Variants in PPP1R16B observed in about 807,000 individuals in gnomAD.
The protein encoded by PPP1R16B is protein phosphatase 1 regulatory subunit 16B, also known as protein phosphatase 1 regulatory inhibitor subunit 16B.
A neutral mutation model predicts 61.7 loss-of-function variants in PPP1R16B; 14 were observed. The ratio of observed to expected loss-of-function variants is 0.23; its 90% CI spans 0.15 to 0.35. The LOEUF (loss-of-function observed/expected upper bound fraction) is 0.35, where lower values mean the gene tolerates loss of function less well. Ranked by LOEUF, PPP1R16B falls within the 10% of genes least tolerant of loss-of-function variation. The pLI is 1.00. For synonymous variants in PPP1R16B, 266 were observed against 305.3 expected (o/e 0.87, Z 1.34); for missense variants, 547 against 752.5 (o/e 0.73, Z 3.19).
intron 1 of PPP1R16B, 95 bp downstream of exon 1, chr20:38,805,887 A>T (rs1484688705): frequency 1.3e-5 from 2 of 149,394 alleles, no homozygotes; most frequent in Non-Finnish European, 3.0e-5. Context: ...CCAGCCTGCT[A>T]TCACCTAGCT....
chr20:38,886,663 G>C (rs182058176), intron 2 of PPP1R16B, among the ~76,000 whole-genome samples: 76 of 152,354 alleles, frequency 5.0e-4, no homozygotes, highest in African/African-American at 1.8e-3. Flanking sequence ...CAGGCACTGG[G>C]TCTGTAGGAG....
intron 10 of PPP1R16B, among the ~76,000 whole-genome samples, chr20:38,916,169 C>T (rs2085537168): frequency 1.3e-5 from 2 of 151,124 alleles, no homozygotes; most frequent in Non-Finnish European, 2.9e-5. Context: ...AGTTCAAGAC[C>T]AGCCTGTGCA....
chr20:38,870,496 T>C (rs208807), intron 2 of PPP1R16B, among the ~76,000 whole-genome samples: 89,996 of 151,804 alleles, frequency 0.59, 26,889 homozygotes, highest in South Asian at 0.78. Context: ...TTAAGAGACC[T>C]GAAGGATGAG....
At chr20:38,807,071 C>A (rs527335152) in intron 1 of PPP1R16B, among the ~76,000 whole-genome samples, 3 of 152,356 alleles carry the variant, frequency 2.0e-5, no homozygotes, top group East Asian at 1.9e-4. Context: ...GGACCCGGGG[C>A]CCGGAGGTAC....
intron 2 of PPP1R16B, among the ~76,000 whole-genome samples, chr20:38,869,929 T>A (rs970136506): frequency 1.7e-4 from 25 of 150,902 alleles, no homozygotes; most frequent in Admixed American, 7.3e-4. Flanking sequence ...TTTATTTATT[T>A]TTTTTTTTTT....
In PPP1R16B at chr20:38,907,623, A is replaced by G. The variant is rs568581806; in HGVS notation, c.899-183A>G. On this transcript the variant is annotated intron_variant, in intron 8 of 10. Transcript: ENST00000299824. This position sits in a 1 kb window ranked among gnomAD's most constrained non-coding sequence, Gnocchi z 4.5. ...CCCAGAACCTGGGTTTCCCATTCTT[A>G]TAATCCTCTTATAAACACACTCACT... Among the ~76,000 whole-genome samples the G allele has an allele frequency of 2.6e-5, 4 of 152,276 alleles. No individual in the cohort carries two copies. In the East Asian group the frequency reaches 5.8e-4, roughly 22 times the overall value.
intron 2 of PPP1R16B, among the ~76,000 whole-genome samples, chr20:38,867,823 C>A (rs1018520230): frequency 3.3e-5 from 5 of 152,180 alleles, no homozygotes; most frequent in African/African-American, 1.2e-4. Flanking sequence ...CAGGCGCCCG[C>A]CACCACGCCC....
intron 2 of PPP1R16B, among the ~76,000 whole-genome samples, chr20:38,868,420 T>C (rs2085104456): frequency 6.6e-6 from 1 of 151,946 alleles, no homozygotes; most frequent in Non-Finnish European, 1.5e-5. Context: ...GGTCTCACTC[T>C]GTCACCCAGG....
intron 2 of PPP1R16B, among the ~76,000 whole-genome samples, chr20:38,855,744 T>G (rs927852347): frequency 6.6e-6 from 1 of 151,400 alleles, no homozygotes; most frequent in African/African-American, 2.4e-5. Context: ...CCCAGTGGGG[T>G]GCCCCCATTG....
chr20:38,905,317 A>T (rs2085431231), intron 6 of PPP1R16B, among the ~76,000 whole-genome samples: 1 of 152,056 alleles, frequency 6.6e-6, no homozygotes, highest in African/African-American at 2.4e-5. Context: ...GTACTGGAAG[A>T]TCCACTTCCA....
chr20:38,826,832 C>T (rs553331912), intron 1 of PPP1R16B, among the ~76,000 whole-genome samples: 24 of 152,356 alleles, frequency 1.6e-4, no homozygotes, highest in Middle Eastern at 3.4e-3. Context: ...GTGGGGACTC[C>T]AGCATCATGC....
chr20:38,811,487 T>C lies in PPP1R16B; in HGVS notation c.-102+5695T>C, dbSNP rs146050937. Among the ~76,000 whole-genome samples, 13 of 152,348 alleles carry C rather than the reference T, an allele frequency of 8.5e-5. No individual in the cohort carries two copies. In the East Asian group the frequency reaches 2.5e-3, roughly 29 times the overall value. ...AGTAACTCACAAACACAATTCTGAA[T>C]TGTCATAAGGATTTGTAATCATATG... On this transcript the variant is annotated intron_variant, in intron 1 of 10. Coordinates refer to ENST00000299824, the MANE Select transcript of PPP1R16B (RefSeq NM_015568.4).
intron 6 of PPP1R16B, among the ~76,000 whole-genome samples, chr20:38,904,380 T>C (rs1447217200): frequency 2.0e-5 from 3 of 152,234 alleles, no homozygotes; most frequent in Admixed American, 6.5e-5. Flanking sequence ...CTGGAGATCA[T>C]AGTGTCTTCC....
At chr20:38,883,826 C>T (rs1020263281) in intron 2 of PPP1R16B, among the ~76,000 whole-genome samples, 4 of 152,162 alleles carry the variant, frequency 2.6e-5, no homozygotes, top group African/African-American at 9.7e-5. Flanking sequence ...TAACAGTAGC[C>T]AGGGCCTTGT....
At chr20:38,886,589 G>T (rs2085247000) in intron 2 of PPP1R16B, among the ~76,000 whole-genome samples, 1 of 152,212 alleles carries the variant, frequency 6.6e-6, no homozygotes, top group Non-Finnish European at 1.5e-5. Context: ...TCACCCGTGG[G>T]CAGGTTGGGC....
At position 38,921,917 on chromosome 20, in the gene PPP1R16B, A is replaced by T. The variant is rs976027961; in HGVS notation, c.*3251A>T. Reference sequence around the variant, plus strand: ...GGCAGGGGTGGATTCGGGAGCTGGGAGTAACCAGGCAAAGTCAACCAGATG... The same window carrying T: ...GGCAGGGGTGGATTCGGGAGCTGGGTGTAACCAGGCAAAGTCAACCAGATG... On this transcript the variant is annotated 3_prime_UTR_variant, in exon 11 of 11. Transcript: ENST00000299824. 1 of 152,198 alleles carries T rather than the reference A, an allele frequency of 6.6e-6. No homozygotes were observed. Among genetic ancestry groups the T allele is most frequent in the African/African-American group, 2.4e-5 (1 of 41,456 alleles). The allele number at this position is 152,198 out of a possible 1,614,324, so 9.4% of individuals were successfully genotyped here.
At chr20:38,917,035 G>A (rs1023243379) in intron 10 of PPP1R16B, among the ~76,000 whole-genome samples, 9 of 152,152 alleles carry the variant, frequency 5.9e-5, no homozygotes, top group Non-Finnish European at 1.3e-4. Flanking sequence ...GGTGGCTCAT[G>A]CCTGCAATCT....
intron 2 of PPP1R16B, among the ~76,000 whole-genome samples, chr20:38,851,543 G>A (rs1173351308): frequency 6.6e-6 from 1 of 152,124 alleles, no homozygotes; most frequent in Non-Finnish European, 1.5e-5. Flanking sequence ...AAAATGTGAT[G>A]GATCAGAGTA....
At chr20:38,857,627 T>C (rs2085017179) in intron 2 of PPP1R16B, among the ~76,000 whole-genome samples, 1 of 152,232 alleles carries the variant, frequency 6.6e-6, no homozygotes, top group African/African-American at 2.4e-5. Context: ...ATACACCATC[T>C]TTGTCTCTGC....
Sources: gnomAD v4.1 joint callset for allele counts (sites outside exome capture counted in the v4.1 genomes callset) on GRCh38, gnomAD v4.1.1 for gene constraint, Gnocchi (gnomAD v3.1) non-coding constraint, MANE v1.5 for transcripts, NCBI Gene and HGNC (gene_info 2026-07-23, HGNC 2026-07-21) for gene names.